The following IFFO2 variants were observed in gnomAD, a reference collection of about 807,000 sequenced individuals.
IFFO2 encodes intermediate filament family orphan 2.
IFFO2 carries 19 observed loss-of-function variants against 53.5 expected under a neutral mutation model. The ratio of observed to expected loss-of-function variants is 0.36; its 90% CI spans 0.25 to 0.52. The LOEUF is 0.52. Among genes scored for constraint, IFFO2 ranks in the 20% least tolerant of loss-of-function variants. The probability of loss-of-function intolerance (pLI) is 0.94; values close to 1 mark genes in which losing one functional copy is unlikely to be tolerated. For synonymous variants in IFFO2, 303 were observed against 313.6 expected (o/e 0.97, Z 0.36); for missense variants, 570 against 727.4 (o/e 0.78, Z 2.49).
At position 18,916,905 on chromosome 1, in the gene IFFO2, C is replaced by A. The variant is rs1392929344; in HGVS notation, c.1101G>T (p.Gln367His). ...ITDEMKRMFN[Q>H]LRETFDFDDD... ...GTGCGGGCCACGGGGATACTCACAG[C>A]TGGTTAAACATGCGCTTCATCTCAT... Residue 367 changes from glutamine to histidine, a missense_variant and splice_region_variant, in exon 5 of 9, where the codon CAG becomes CAT. Coordinates refer to ENST00000455833, the MANE Select transcript of IFFO2 (RefSeq NM_001136265.2). This position sits in a 1 kb window ranked among gnomAD's most constrained non-coding sequence, Gnocchi z 4.3. 1 of 1,551,776 alleles carries A rather than the reference C, an allele frequency of 6.4e-7. No homozygotes were observed. Among genetic ancestry groups the A allele is most frequent in the South Asian group, 1.2e-5 (1 of 84,054 alleles).
At position 18,917,537 on chromosome 1, in the gene IFFO2, G is replaced by A. The variant is rs530681102; in HGVS notation, c.964-495C>T. Among the ~76,000 whole-genome samples the A allele has an allele frequency of 1.4e-4, 21 of 152,312 alleles. No individual in the cohort carries two copies. The highest frequency in any genetic ancestry group is 1.2e-3 in the South Asian group (6 of 4,820). On this transcript the variant is annotated intron_variant, in intron 4 of 8. Transcript: ENST00000455833. This position sits in a 1 kb window ranked among gnomAD's most constrained non-coding sequence, Gnocchi z 5.9. Reference sequence around the variant, plus strand: ...CAAGCCACGAGCAAACGAAGGCTGCGTTGGCCTCCCCTGCTTCCCGGCAGA... The same window carrying A: ...CAAGCCACGAGCAAACGAAGGCTGCATTGGCCTCCCCTGCTTCCCGGCAGA...
chr1:18,931,053 T>A (rs984612628), intron 1 of IFFO2, among the ~76,000 whole-genome samples: 4 of 152,136 alleles, frequency 2.6e-5, no homozygotes, highest in Admixed American at 2.6e-4. Flanking sequence ...GCACCTGTAG[T>A]CCTAGCTACT....
intron 1 of IFFO2, among the ~76,000 whole-genome samples, chr1:18,923,213 C>T (rs147204250): frequency 6.6e-6 from 1 of 152,348 alleles, no homozygotes; most frequent in Admixed American, 6.5e-5. Context: ...AATGGCATGG[C>T]TCCTCCCTTG....
rs1936181500 is a variant in IFFO2, at chr1:18,919,340, TAC to T, written c.822+336_822+337del. ...TGGCCCAACCTGCCAGACGCCCTGC[TAC>T]GCCCAGACACCGAGGCCTGCCCTCA... On this transcript the variant is annotated intron_variant, in intron 3 of 8. Coordinates refer to ENST00000455833, the MANE Select transcript of IFFO2 (RefSeq NM_001136265.2). This position sits in a 1 kb window ranked among gnomAD's most constrained non-coding sequence, Gnocchi z 4.9. 6.6e-6 allele frequency among the ~76,000 whole-genome samples: 1 copy of T among 152,160 alleles called. No homozygotes were observed. The highest frequency in any genetic ancestry group is 2.4e-5 in the African/African-American group (1 of 41,444).
At chr1:18,926,272 C>T (rs558861523) in intron 1 of IFFO2, among the ~76,000 whole-genome samples, 1 of 152,312 alleles carries the variant, frequency 6.6e-6, no homozygotes, top group East Asian at 1.9e-4. Flanking sequence ...GGCAAATTCC[C>T]AGCATAGCCC....
rs889692638 is a variant in IFFO2 at position 18,906,213 on chromosome 1, G to A, written c.*2348C>T. 1.3e-5 allele frequency: 2 copies of A among 152,296 alleles called. No homozygotes were observed. Among genetic ancestry groups the A allele is most frequent in the South Asian group, 4.2e-4 (2 of 4,816 alleles). The allele number at this position is 152,296 out of a possible 1,614,324, so 9.4% of individuals were successfully genotyped here. A position where few individuals can be genotyped will look rare whatever the true frequency, so the allele number is the denominator to read the frequency against. ...CAGCCAGAAGGGACTCTCAGGCCAGGATCTCTTTCTGGCTCCTGCAGTTTT... is the reference window on the plus strand; with the variant it reads ...CAGCCAGAAGGGACTCTCAGGCCAGAATCTCTTTCTGGCTCCTGCAGTTTT... On this transcript the variant is annotated 3_prime_UTR_variant, in exon 9 of 9. Transcript: ENST00000455833.
At chr1:18,933,664 G>A (rs537310533) in intron 1 of IFFO2, among the ~76,000 whole-genome samples, 2 of 152,204 alleles carry the variant, frequency 1.3e-5, no homozygotes, top group South Asian at 2.1e-4. Flanking sequence ...AGGCTGAGGT[G>A]GGAGGATTGC....
Position 18,904,555 on chromosome 1 carries a change from C to G in IFFO2, c.*4006G>C, listed in dbSNP as rs901822726. The G allele has an allele frequency of 9.2e-5, 14 of 152,228 alleles. No individual in the cohort carries two copies. The highest frequency in any genetic ancestry group is 2.6e-4 in the Admixed American group (4 of 15,290). 9.4% of individuals were successfully genotyped at this position (152,228 alleles called of 1,614,324 possible). A position where few individuals can be genotyped will look rare whatever the true frequency, so the allele number is the denominator to read the frequency against. ...AGGGGTCTTGCAGGGAAGGGCTTTG[C>G]CTCATTTCTTTGAGGGCTTGGGAGG... is the stretch of plus-strand genomic sequence containing the variant. On this transcript the variant is annotated 3_prime_UTR_variant, in exon 9 of 9. Coordinates refer to ENST00000455833, the MANE Select transcript of IFFO2 (RefSeq NM_001136265.2).
rs553606334 is a variant in IFFO2, at chr1:18,917,133, G to C, written c.964-91C>G. 268 of 1,412,070 alleles carry C rather than the reference G, an allele frequency of 1.9e-4. No individual in the cohort carries two copies. The African/African-American group carries it at 3.1e-3, about 16-fold the overall frequency. The allele number at this position is 1,412,070 out of a possible 1,614,324, so 87.5% of individuals were successfully genotyped here. A position where few individuals can be genotyped will look rare whatever the true frequency, so the allele number is the denominator to read the frequency against. ...CTGGGAAGGGAGCCGGCATCTCACA[G>C]GATGATGAGCGTGACTGGGGCCGGC... On this transcript the variant is annotated intron_variant, in intron 4 of 8. Coordinates refer to ENST00000455833, the MANE Select transcript of IFFO2 (RefSeq NM_001136265.2). This position sits in a 1 kb window ranked among gnomAD's most constrained non-coding sequence, Gnocchi z 5.9.
intron 1 of IFFO2, among the ~76,000 whole-genome samples, chr1:18,934,985 T>C (rs1365251015): frequency 2.0e-5 from 3 of 152,142 alleles, no homozygotes; most frequent in Admixed American, 6.5e-5. Context: ...GGATCAAGTG[T>C]GCAGATGTAG....
intron 1 of IFFO2, among the ~76,000 whole-genome samples, chr1:18,922,489 G>A (rs893415040): frequency 6.6e-6 from 1 of 152,164 alleles, no homozygotes; most frequent in Non-Finnish European, 1.5e-5. Flanking sequence ...AGAGAAAACG[G>A]ATACTGTTTG....
chr1:18,931,681 CCA>C (rs1010135421), intron 1 of IFFO2, among the ~76,000 whole-genome samples: 9 of 152,224 alleles, frequency 5.9e-5, no homozygotes, highest in African/African-American at 2.2e-4. Flanking sequence ...CTAATTCTCA[CCA>C]CAGTTCTGTG....
chr1:18,942,215 C>T (rs1030864879), intron 1 of IFFO2, among the ~76,000 whole-genome samples: 3 of 152,278 alleles, frequency 2.0e-5, no homozygotes, highest in Non-Finnish European at 4.4e-5. Context: ...CCGGGGTAAG[C>T]CCTGGAGCTG....
intron 1 of IFFO2, among the ~76,000 whole-genome samples, chr1:18,921,950 A>G (rs1936222283): frequency 6.6e-6 from 1 of 152,118 alleles, no homozygotes; most frequent in African/African-American, 2.4e-5. Flanking sequence ...GGATGATATT[A>G]CCAATTCCAG....
At chr1:18,911,893 G>A in intron 6 of IFFO2, 70 bp downstream of exon 6, 2 of 1,528,110 alleles carry the variant, frequency 1.3e-6, no homozygotes, top group South Asian at 1.2e-5. Flanking sequence ...ACAGGGATGA[G>A]GGACCATTGA....
intron 1 of IFFO2, among the ~76,000 whole-genome samples, chr1:18,930,421 C>T (rs967657361): frequency 1.3e-5 from 2 of 152,196 alleles, no homozygotes; most frequent in African/African-American, 4.8e-5. Flanking sequence ...AGCTAGATGC[C>T]GCCTTCACCT....
chr1:18,951,860 A>G (rs1936663930), intron 1 of IFFO2, among the ~76,000 whole-genome samples: 1 of 152,232 alleles, frequency 6.6e-6, no homozygotes, highest in South Asian at 2.1e-4. Context: ...GAAAGGCTTC[A>G]GCGAACACAG....
intron 5 of IFFO2, among the ~76,000 whole-genome samples, chr1:18,914,822 C>CAAA (rs71030111): frequency 4.2e-5 from 3 of 72,122 alleles, no homozygotes; most frequent in African/African-American, 9.7e-5. Context: ...GGCTCCATCT[C>CAAA]AAAAAAAAAA....
Position 18,917,129 on chromosome 1 carries a change from C to A in IFFO2, c.964-87G>T. 3.5e-6 allele frequency: 5 copies of A among 1,438,988 alleles called. No homozygotes were observed. Among genetic ancestry groups the A allele is most frequent in the Non-Finnish European group, 4.7e-6 (5 of 1,062,690 alleles). 89.1% of individuals were successfully genotyped at this position (1,438,988 alleles called of 1,614,324 possible). On this transcript the variant is annotated intron_variant, in intron 4 of 8. Coordinates refer to ENST00000455833, the MANE Select transcript of IFFO2 (RefSeq NM_001136265.2). The surrounding 1 kb of genome is among the most constrained non-coding windows in gnomAD (Gnocchi z 5.9). The stretch of plus-strand genomic sequence containing the variant: ...TGAACTGGGAAGGGAGCCGGCATCT[C>A]ACAGGATGATGAGCGTGACTGGGGC...
Sources: gnomAD v4.1 joint callset for allele counts (sites outside exome capture counted in the v4.1 genomes callset) on GRCh38, gnomAD v4.1.1 for gene constraint, Gnocchi (gnomAD v3.1) non-coding constraint, MANE v1.5 for transcripts, NCBI Gene and HGNC (gene_info 2026-07-23, HGNC 2026-07-21) for gene names.